The following OR51B5 variants were observed in gnomAD, a reference collection of about 807,000 sequenced individuals.
OR51B5 encodes olfactory receptor 51B5.
For missense variants in OR51B5, 456 were observed against 374.6 expected, an observed-to-expected ratio of 1.22 and a Z score of -1.79; for synonymous variants, 186 against 144.8, an observed-to-expected ratio of 1.28 and a Z score of -2.04.
chr11:5,376,039 CA>C (rs1412738518), intron 1 of OR51B5, among the ~76,000 whole-genome samples: 1 of 152,022 alleles, frequency 6.6e-6, no homozygotes, highest in Admixed American at 6.6e-5. Flanking sequence ...ACACCTATTC[CA>C]AAATTGACCA....
chr11:5,373,666 C>G (rs1242935607), intron 1 of OR51B5, among the ~76,000 whole-genome samples: 5 of 152,170 alleles, frequency 3.3e-5, no homozygotes, highest in Non-Finnish European at 7.3e-5. Context: ...AATGGCGCAC[C>G]AGGAGATTAT....
chr11:5,375,380 G>T (rs4528361), intron 1 of OR51B5, among the ~76,000 whole-genome samples: 51,716 of 142,058 alleles, frequency 0.36, 10,326 homozygotes, highest in Non-Finnish European at 0.39. Context: ...TGCAAAATCA[G>T]GCCAAAATGT....
chr11:5,408,293 A>G (rs1398918125), intron 1 of OR51B5, among the ~76,000 whole-genome samples: 1 of 151,956 alleles, frequency 6.6e-6, no homozygotes, highest in Middle Eastern at 3.2e-3. Flanking sequence ...TATCCCATGT[A>G]TTAGGAAAAA....
intron 1 of OR51B5, chr11:5,489,185 C>G: frequency 6.2e-7 from 1 of 1,612,352 alleles, no homozygotes; most frequent in Non-Finnish European, 8.5e-7. Context: ...GCTATTGTCT[C>G]CCCCTTCATC....
chr11:5,492,406 CAG>C (rs1383777222), intron 1 of OR51B5, among the ~76,000 whole-genome samples: 2 of 152,136 alleles, frequency 1.3e-5, no homozygotes, highest in East Asian at 1.9e-4. Context: ...TTCTCAGCAG[CAG>C]AGAGACACTC....
At chr11:5,355,174 G>A in intron 1 of OR51B5, 1 of 170,592 alleles carries the variant, frequency 5.9e-6, no homozygotes, top group East Asian at 1.6e-4. Context: ...GGAAGGATAG[G>A]AGCCTCTGTC....
At chr11:5,354,821 A>G (rs769355618) in intron 1 of OR51B5, 13 of 199,318 alleles carry the variant, frequency 6.5e-5, no homozygotes, top group Non-Finnish European at 9.3e-5. Flanking sequence ...GAATATGTCC[A>G]GAACTTCAAG....
chr11:5,393,587 A>G (rs1260836925), intron 1 of OR51B5, among the ~76,000 whole-genome samples: 1 of 152,196 alleles, frequency 6.6e-6, no homozygotes, highest in Non-Finnish European at 1.5e-5. Flanking sequence ...GTTATATACG[A>G]TTATGCTGAA....
chr11:5,505,240 T>C (rs370705208), intron 1 of OR51B5: 7 of 1,111,786 alleles, frequency 6.3e-6, no homozygotes, highest in East Asian at 6.1e-5. Context: ...TGCAGTAACA[T>C]TGCTATTAGG....
At chr11:5,494,352 T>A (rs1851619700) in intron 1 of OR51B5, among the ~76,000 whole-genome samples, 1 of 152,194 alleles carries the variant, frequency 6.6e-6, no homozygotes, top group African/African-American at 2.4e-5. Context: ...TGTCAGTACC[T>A]GAATGTCTCC....
intron 1 of OR51B5, among the ~76,000 whole-genome samples, chr11:5,497,149 A>G (rs752124133): frequency 6.6e-5 from 10 of 152,248 alleles, no homozygotes; most frequent in Non-Finnish European, 1.2e-4. Context: ...AGCTCATTGT[A>G]AATTACACTT....
intron 1 of OR51B5, among the ~76,000 whole-genome samples, chr11:5,471,747 C>A (rs975048677): frequency 2.6e-5 from 4 of 152,064 alleles, no homozygotes; most frequent in African/African-American, 9.7e-5. Flanking sequence ...AAAAATAGCT[C>A]CCCTAGCATC....
intron 1 of OR51B5, among the ~76,000 whole-genome samples, chr11:5,397,459 A>G (rs1849895293): frequency 1.3e-5 from 2 of 152,020 alleles, no homozygotes; most frequent in South Asian, 2.1e-4. Flanking sequence ...AATGCTCATC[A>G]TCACTGGCCA....
chr11:5,388,862 C>T (rs1412003855), intron 1 of OR51B5, among the ~76,000 whole-genome samples: 3 of 151,702 alleles, frequency 2.0e-5, no homozygotes, highest in East Asian at 1.9e-4. Flanking sequence ...TAAACAGAAA[C>T]CCTAGGACTT....
chr11:5,462,611 C>G (rs1276318929), intron 1 of OR51B5, among the ~76,000 whole-genome samples: 1 of 152,202 alleles, frequency 6.6e-6, no homozygotes, highest in Non-Finnish European at 1.5e-5. Flanking sequence ...GCAGCAGAGG[C>G]ACAGAGTTTA....
At chr11:5,362,122 G>A (rs1025580163) in intron 1 of OR51B5, among the ~76,000 whole-genome samples, 2 of 152,186 alleles carry the variant, frequency 1.3e-5, no homozygotes, top group Admixed American at 1.3e-4. Context: ...ATAAACCAAA[G>A]TCAGAGAGAG....
intron 1 of OR51B5, among the ~76,000 whole-genome samples, chr11:5,434,099 T>C (rs1850564679): frequency 6.6e-6 from 1 of 152,078 alleles, no homozygotes; most frequent in Non-Finnish European, 1.5e-5. Flanking sequence ...AACTTAAAAA[T>C]CCCAGTGCTC....
intron 1 of OR51B5, among the ~76,000 whole-genome samples, chr11:5,357,259 C>T (rs1849208319): frequency 6.6e-6 from 1 of 151,570 alleles, no homozygotes; most frequent in Non-Finnish European, 1.5e-5. Flanking sequence ...CACATAGGCT[C>T]AAAATAAAGG....
At chr11:5,491,968 A>T (rs1437904631) in intron 1 of OR51B5, among the ~76,000 whole-genome samples, 1 of 152,214 alleles carries the variant, frequency 6.6e-6, no homozygotes, top group Non-Finnish European at 1.5e-5. Context: ...ATGAGTTCAC[A>T]GTTTGGCACA....
Sources: gnomAD v4.1 joint callset for allele counts (sites outside exome capture counted in the v4.1 genomes callset) on GRCh38, gnomAD v4.1.1 for gene constraint, MANE v1.5 for transcripts, NCBI Gene and HGNC (gene_info 2026-07-23, HGNC 2026-07-21) for gene names.